The following MYCBPAP variants were observed in gnomAD, a reference collection of about 807,000 sequenced individuals.
The protein encoded by MYCBPAP is MYCBP associated protein.
A neutral mutation model predicts 106.1 loss-of-function variants in MYCBPAP; 60 were observed. The observed-to-expected ratio is 0.57, with a 90% CI of 0.46 to 0.70. The LOEUF is 0.70. MYCBPAP is among the 30% of genes least tolerant of loss of function. MYCBPAP has a pLI of 0.00. For synonymous variants in MYCBPAP, 407 were observed against 440.6 expected, an observed-to-expected ratio of 0.92 and a Z score of 0.95; for missense variants, 1,064 against 1,169.3, an observed-to-expected ratio of 0.91 and a Z score of 1.31.
chr17:50,510,509 A>ATATG (rs2033803968), intron 1 of MYCBPAP: 2 of 103,108 alleles, frequency 1.9e-5, no homozygotes, highest in East Asian at 4.7e-4. Context: ...GTATATATAT[A>ATATG]TATATATATA....
intron 1 of MYCBPAP, chr17:50,510,495 GTGTGTATATATATATATATATATA>G (rs2033794638): frequency 1.1e-5 from 1 of 93,068 alleles, no homozygotes; most frequent in Non-Finnish European, 2.1e-5. Context: ...GTGTGTGTGT[GTGTGTATATATATATATATATATA>G]TATATATATA....
Position 50,518,639 on chromosome 17 carries a change from C to T in MYCBPAP, c.567C>T (p.Pro189=). Residue 189 remains proline, a synonymous_variant, in exon 5 of 19, where the codon CCC becomes CCT. Transcript: ENST00000323776. ...QKAPKEEKRP[P]WAPPPQHNFL... ...CCCCAAAAGAAGAGAAGAGACCTCC[C>T]TGGGCCCCACCTCCTCAGCACAACT... The T allele has an allele frequency of 6.2e-7, 1 of 1,610,862 alleles. No individual in the cohort carries two copies. Among genetic ancestry groups the T allele is most frequent in the Non-Finnish European group, 8.5e-7 (1 of 1,179,004 alleles).
chr17:50,521,730 T>C (rs1327161902), intron 9 of MYCBPAP, among the ~76,000 whole-genome samples: 1 of 152,210 alleles, frequency 6.6e-6, no homozygotes, highest in Non-Finnish European at 1.5e-5. Context: ...ATGGAGAGTC[T>C]GTGTATTTCT....
chr17:50,516,583 A>G lies in MYCBPAP; in HGVS notation c.90A>G (p.Ala30=), dbSNP rs1258141858. The change falls in exon 2 of 19, where the codon GCA becomes GCG. Residue 30 remains alanine (A), a synonymous_variant. Transcript: ENST00000323776. ...GCTTCTCTTCAGAAAAGAAGCGGGC[A>G]AAGGGACCTGAACAACCCACACCCA... The part of the protein sequence containing the change: ...ASENVKEKKR[A]KGPEQPTPTI... 6.2e-7 allele frequency: 1 copy of G among 1,614,000 alleles called. No individual in the cohort carries two copies. The highest frequency in any genetic ancestry group is 8.5e-7 in the Non-Finnish European group (1 of 1,180,006).
At chr17:50,509,230 T>C in intron 1 of MYCBPAP, 1 of 689,502 alleles carries the variant, frequency 1.5e-6, no homozygotes, top group Non-Finnish European at 2.7e-6. Flanking sequence ...CACTTAGGAT[T>C]CCTGCTGGAA....
In MYCBPAP at chr17:50,523,107, T is replaced by C. The variant is rs2034336667; in HGVS notation, c.1426T>C (p.Phe476Leu). ...QDLKKNRMQR[F>L]YFDNREGVIL... ...CCTTAAGAAAAACAGGATGCAGCGATTTTACTTTGACAACCGGGAAGGTAC... is the reference window on the plus strand; with the variant it reads ...CCTTAAGAAAAACAGGATGCAGCGACTTTACTTTGACAACCGGGAAGGTAC... The change falls in exon 11 of 19, where the codon TTT becomes CTT. Residue 476 changes from phenylalanine (F) to leucine (L), a missense_variant. By Grantham distance (22) the Phe-to-Leu change is conservative. Coordinates refer to ENST00000323776, the MANE Select transcript of MYCBPAP (RefSeq NM_032133.6). The C allele has an allele frequency of 6.2e-7, 1 of 1,613,612 alleles. No individual in the cohort carries two copies. The highest frequency in any genetic ancestry group is 1.1e-5 in the South Asian group (1 of 91,070).
rs764828938 is a variant in MYCBPAP at position 50,531,312 on chromosome 17, G to C, written c.2725-15G>C. On this transcript the variant is annotated splice_polypyrimidine_tract_variant and intron_variant, in intron 18 of 18. Transcript: ENST00000323776. Reference sequence around the variant, plus strand: ...CAGAGTAAACTCTGCCTGTGATGTTGTCCCGTTCTTCCAGGTCCGTGGGCT... The same window carrying C: ...CAGAGTAAACTCTGCCTGTGATGTTCTCCCGTTCTTCCAGGTCCGTGGGCT... The C allele has an allele frequency of 6.3e-6, 10 of 1,593,062 alleles. No individual in the cohort carries two copies. The highest frequency in any genetic ancestry group is 8.6e-6 in the Non-Finnish European group (10 of 1,165,296).
intron 14 of MYCBPAP, 62 bp from the exon 15 acceptor site, chr17:50,527,225 C>G: frequency 6.2e-7 from 1 of 1,602,290 alleles, no homozygotes; most frequent in Non-Finnish European, 8.5e-7. Flanking sequence ...CATCACCATG[C>G]CCTTCACTAG....
At chr17:50,516,779 C>T in intron 2 of MYCBPAP, 82 bp downstream of exon 2, 1 of 1,520,774 alleles carries the variant, frequency 6.6e-7, no homozygotes, top group South Asian at 1.2e-5. Flanking sequence ...CCAGCCATGT[C>T]CCTACTCATG....
chr17:50,522,743 C>G, intron 10 of MYCBPAP, 196 bp from the exon 11 acceptor site: 1 of 234,720 alleles, frequency 4.3e-6, no homozygotes, highest in African/African-American at 3.2e-5. Context: ...ATCTTCTCTT[C>G]TTGCTATTGA....
chr17:50,518,606 G>A lies in MYCBPAP; in HGVS notation c.534G>A (p.Lys178=), dbSNP rs768587972. 2 of 1,608,732 alleles carry A rather than the reference G, an allele frequency of 1.2e-6. No homozygotes were observed. Among genetic ancestry groups the A allele is most frequent in the African/African-American group, 2.7e-5 (2 of 74,216 alleles). Residue 178 remains lysine (K), a synonymous_variant, in exon 5 of 19, where the codon AAG becomes AAA. Coordinates refer to ENST00000323776, the MANE Select transcript of MYCBPAP (RefSeq NM_032133.6). ...TCATCTCTGCTGAAGGAGAGTCAAA[G>A]CAAAAAGCCCCAAAAGAAGAGAAGA... The part of the protein sequence containing the change: ...MTLISAEGES[K]QKAPKEEKRP...
chr17:50,519,268 A>G, intron 6 of MYCBPAP, 179 bp downstream of exon 6: 1 of 599,068 alleles, frequency 1.7e-6, no homozygotes. Flanking sequence ...ATTAGTCAGT[A>G]AAGTTATTCA....
chr17:50,511,592 A>G (rs368433767), intron 1 of MYCBPAP, among the ~76,000 whole-genome samples: 3 of 152,250 alleles, frequency 2.0e-5, no homozygotes, highest in East Asian at 3.9e-4. Flanking sequence ...CCCCCACCTG[A>G]GCACCTTGCT....
intron 16 of MYCBPAP, 107 bp downstream of exon 16, chr17:50,528,377 C>G: frequency 9.8e-7 from 1 of 1,022,794 alleles, no homozygotes; most frequent in Non-Finnish European, 1.5e-6. Context: ...GGAAGCTCTG[C>G]TAGGTTGAGC....
At chr17:50,519,275 T>C (rs2034170207) in intron 6 of MYCBPAP, 186 bp downstream of exon 6, 3 of 598,742 alleles carry the variant, frequency 5.0e-6, no homozygotes, top group Non-Finnish European at 8.9e-6. Flanking sequence ...AGTAAAGTTA[T>C]TCAGCCTGTG....
intron 18 of MYCBPAP, 91 bp from the exon 19 acceptor site, chr17:50,531,236 C>T (rs1477282171): frequency 1.4e-6 from 1 of 724,364 alleles, no homozygotes; most frequent in Non-Finnish European, 2.1e-6. Flanking sequence ...TGGTTTCTTT[C>T]CCCTCTCCAG....
intron 1 of MYCBPAP, chr17:50,510,495 GTGTGTATATATATATATATATATATA>G (rs1200926611): frequency 3.2e-5 from 3 of 93,068 alleles, no homozygotes; most frequent in Admixed American, 1.1e-4. Flanking sequence ...GTGTGTGTGT[GTGTGTATATATATATATATATATATA>G]TATATATATA....
At chr17:50,527,502 A>C in intron 15 of MYCBPAP, 94 bp downstream of exon 15, 1 of 1,525,272 alleles carries the variant, frequency 6.6e-7, no homozygotes, top group Non-Finnish European at 8.9e-7. Flanking sequence ...CAGGGGTCTG[A>C]GCTTCCGTTG....
At chr17:50,526,872 C>T (rs1209943624) in intron 14 of MYCBPAP, among the ~76,000 whole-genome samples, 3 of 152,168 alleles carry the variant, frequency 2.0e-5, no homozygotes, top group South Asian at 2.1e-4. Context: ...TGAGCCACCA[C>T]GCCAGGCCAA....
Sources: allele counts gnomAD v4.1 joint callset (sites outside exome capture counted in the v4.1 genomes callset), GRCh38; gene constraint gnomAD v4.1.1; transcripts MANE v1.5; gene names NCBI Gene and HGNC (gene_info 2026-07-23, HGNC 2026-07-21).